TSGA10: variants seen among roughly 807,000 people sequenced by gnomAD.
The protein encoded by TSGA10 is testis specific 10.
TSGA10 carries 43 observed loss-of-function variants against 96.6 expected under a neutral mutation model. That is an observed-to-expected ratio of 0.44 (90% CI 0.35 to 0.57). The LOEUF (loss-of-function observed/expected upper bound fraction) is 0.57. TSGA10 is among the 20% of genes least tolerant of loss of function. The pLI, the probability that TSGA10 is intolerant of heterozygous loss-of-function variation, is 0.01. For missense variants in TSGA10, 703 were observed against 834.4 expected (o/e 0.84, Z 1.94); for synonymous variants, 229 against 269.9 (o/e 0.85, Z 1.48).
In TSGA10 at chr2:99,018,617, G is replaced by A; in HGVS notation, c.1841C>T (p.Ala614Val). Residue 614 changes from alanine to valine, a missense_variant, in exon 19 of 21, where the codon GCC becomes GTC. By Grantham distance (64) the Ala-to-Val change is moderately conservative (BLOSUM62 0). Transcript: ENST00000393483. ...TTGTGTGACAACATTTCTGAACTGG[G>A]CCACATCTCTACTCTGGATGGCCCT... The part of the protein sequence containing the change: ...NKMAIQSRDV[A>V]QFRNVVTQLE... 1.9e-6 allele frequency: 3 copies of A among 1,613,400 alleles called. No individual in the cohort carries two copies. Among genetic ancestry groups the A allele is most frequent in the South Asian group, 2.2e-5 (2 of 90,930 alleles).
rs151066871 is a variant in TSGA10 at position 99,036,698 on chromosome 2, A to G, written c.1405-1259T>C. On this transcript the variant is annotated intron_variant, in intron 16 of 20. Coordinates refer to ENST00000393483, the MANE Select transcript of TSGA10 (RefSeq NM_025244.4). Reference sequence around the variant, plus strand: ...TAATTACTTTAACTGTGACTAATCTATATACCCCAATTAAGACAAATGGTC... The same window carrying G: ...TAATTACTTTAACTGTGACTAATCTGTATACCCCAATTAAGACAAATGGTC... Among the ~76,000 whole-genome samples the G allele has an allele frequency of 5.9e-4, 90 of 152,246 alleles. 1 individual carries two copies. The East Asian group carries it at 9.2e-3, about 16-fold the overall frequency.
chr2:99,114,781 C>G (rs1362956311), intron 4 of TSGA10, among the ~76,000 whole-genome samples: 1 of 152,144 alleles, frequency 6.6e-6, no homozygotes, highest in African/African-American at 2.4e-5. Context: ...TAAACCCTAA[C>G]AACCCTTTAA....
At chr2:99,128,209 T>TA (rs1301744451) in intron 1 of TSGA10, among the ~76,000 whole-genome samples, 1 of 152,188 alleles carries the variant, frequency 6.6e-6, no homozygotes, top group Non-Finnish European at 1.5e-5. Context: ...ACCCAGCACT[T>TA]AGACAGGCCG....
rs1326060496 is a variant in TSGA10, at chr2:99,069,639, A to AAATAAAT, written c.1108-648_1108-642dup. Among the ~76,000 whole-genome samples, 12 of 150,228 alleles carry AAATAAAT rather than the reference A, an allele frequency of 8.0e-5. No homozygotes were observed. The Admixed American group carries it at 8.0e-4, about 10-fold the overall frequency. On this transcript the variant is annotated intron_variant, in intron 14 of 20. Transcript: ENST00000393483. Reference sequence around the variant, plus strand: ...CATAGTGGGAACCCAACTCTACAATAAATAAATAAATAAATAAATAAATAA... The same window carrying AAATAAAT: ...CATAGTGGGAACCCAACTCTACAATAAATAAATAATAAATAAATAAATAAATAAATAA...
intron 20 of TSGA10, among the ~76,000 whole-genome samples, chr2:99,007,348 G>T (rs2078591152): frequency 6.6e-6 from 1 of 151,626 alleles, no homozygotes; most frequent in African/African-American, 2.4e-5. Flanking sequence ...GACTCATAAA[G>T]CAAAACTCAA....
chr2:99,102,598 A>G (rs2090901158), intron 10 of TSGA10: 5 of 1,614,170 alleles, frequency 3.1e-6, no homozygotes, highest in Non-Finnish European at 4.2e-6. Context: ...CTTGCTGTAC[A>G]TGCTCAGTTT....
chr2:99,150,540 C>T (rs2105155338), intron 1 of TSGA10: 3 of 1,605,342 alleles, frequency 1.9e-6, no homozygotes, highest in Non-Finnish European at 2.5e-6. Context: ...ATTACTTTCA[C>T]ATTTGTTCAG....
At chr2:99,059,510 G>T (rs191210392) in intron 16 of TSGA10, among the ~76,000 whole-genome samples, 181 of 151,944 alleles carry the variant, frequency 1.2e-3, no homozygotes, top group African/African-American at 4.1e-3. Context: ...ATAGTGGCAG[G>T]CACCTGTAAT....
intron 1 of TSGA10, among the ~76,000 whole-genome samples, chr2:99,144,991 G>A (rs936195521): frequency 1.1e-4 from 17 of 152,180 alleles, no homozygotes; most frequent in Admixed American, 6.5e-4. Context: ...CACACTTGGT[G>A]TCTTTAAGCA....
chr2:99,146,214 G>A (rs1003079741), intron 1 of TSGA10, among the ~76,000 whole-genome samples: 1 of 152,178 alleles, frequency 6.6e-6, no homozygotes, highest in Non-Finnish European at 1.5e-5. Context: ...ACCCAGAAAG[G>A]CGGAGGTTGC....
chr2:99,077,029 G>T (rs537253182), intron 12 of TSGA10, among the ~76,000 whole-genome samples: 20 of 148,542 alleles, frequency 1.3e-4, no homozygotes, highest in African/African-American at 4.4e-4. Context: ...ACAACACATT[G>T]TGCATATGTC....
chr2:99,018,154 A>G, intron 20 of TSGA10, 46 bp downstream of exon 20: 1 of 1,608,672 alleles, frequency 6.2e-7, no homozygotes. Context: ...ACTATACTAG[A>G]TACTGCTATT....
chr2:99,042,327 G>C (rs1191560647), intron 16 of TSGA10, among the ~76,000 whole-genome samples: 1 of 152,126 alleles, frequency 6.6e-6, no homozygotes, highest in Non-Finnish European at 1.5e-5. Context: ...GGTGCATTTT[G>C]TTGGCCCTGG....
At chr2:99,039,340 G>T (rs1573723585) in intron 16 of TSGA10, among the ~76,000 whole-genome samples, 1 of 146,564 alleles carries the variant, frequency 6.8e-6, no homozygotes, top group South Asian at 2.1e-4. Context: ...AAAGATAAAA[G>T]AAACAAAAAG....
Position 99,014,042 on chromosome 2 carries a change from C to T in TSGA10, c.2072+4158G>A, listed in dbSNP as rs140384169. ...TGGTAGCAGACGTCTGTAATCTCAG[C>T]TACTTGGGAGTCTGAGGCACAAGAA... On this transcript the variant is annotated intron_variant, in intron 20 of 20. Coordinates refer to ENST00000393483, the MANE Select transcript of TSGA10 (RefSeq NM_025244.4). 6.5e-4 allele frequency among the ~76,000 whole-genome samples: 99 copies of T among 152,246 alleles called. 1 individual carries two copies. Among genetic ancestry groups the T allele is most frequent in the African/African-American group, 2.1e-3 (87 of 41,558 alleles).
At chr2:99,126,997 A>T (rs563919776) in intron 2 of TSGA10, 51 bp downstream of exon 2, 48 of 1,272,070 alleles carry the variant, frequency 3.8e-5, no homozygotes, top group Admixed American at 5.0e-5. Context: ...GTTTCAAAAT[A>T]GGCTCCCACC....
intron 1 of TSGA10, among the ~76,000 whole-genome samples, chr2:99,144,779 A>C (rs2093615532): frequency 6.6e-6 from 1 of 152,126 alleles, no homozygotes; most frequent in African/African-American, 2.4e-5. Flanking sequence ...AACTATCCTC[A>C]AGGGATGTGG....
chr2:99,006,193 G>C (rs1386960991), intron 20 of TSGA10, among the ~76,000 whole-genome samples: 1 of 152,128 alleles, frequency 6.6e-6, no homozygotes, highest in Non-Finnish European at 1.5e-5. Context: ...AAAAACCTTA[G>C]AAGAAAACCT....
intron 12 of TSGA10, among the ~76,000 whole-genome samples, chr2:99,077,692 G>T (rs954375390): frequency 6.6e-6 from 1 of 152,034 alleles, no homozygotes; most frequent in Non-Finnish European, 1.5e-5. Flanking sequence ...CTCCTGAGGA[G>T]CTGTGATTAC....
Sources: gnomAD v4.1 joint callset for allele counts (sites outside exome capture counted in the v4.1 genomes callset) on GRCh38, gnomAD v4.1.1 for gene constraint, MANE v1.5 for transcripts, NCBI Gene and HGNC (gene_info 2026-07-23, HGNC 2026-07-21) for gene names.